Variants in SLC39A3 observed in about 807,000 individuals in gnomAD.
SLC39A3 encodes solute carrier family 39 member 3.
In SLC39A3, 3 loss-of-function variants were observed where a neutral mutation model predicts 5.1. That is an observed-to-expected ratio of 0.59 (90% CI 0.27 to 1.54). SLC39A3 has a LOEUF of 1.54. SLC39A3 is among the 40% of genes most tolerant of loss of function. The pLI, the probability that SLC39A3 is intolerant of heterozygous loss-of-function variation, is 0.12. For synonymous variants in SLC39A3, 250 were observed against 218.8 expected (o/e 1.14, Z -1.26); for missense variants, 412 against 436.4 (o/e 0.94, Z 0.50).
rs540464556 is a variant in SLC39A3, at chr19:2,737,573, T to C, written c.-122-194A>G. ...GACACGCGCCACCACTCCCAGCTAA[T>C]TTTTTTTGTATTTGTAGTAGAGACG... On this transcript the variant is annotated intron_variant, in intron 1 of 2. Coordinates refer to ENST00000269740, the MANE Select transcript of SLC39A3 (RefSeq NM_144564.5). 124 of 312,214 alleles carry C rather than the reference T, an allele frequency of 4.0e-4. 1 individual carries two copies. The East Asian group carries it at 7.8e-3, about 20-fold the overall frequency. The allele number at this position is 312,214 out of a possible 1,614,324, so 19.3% of individuals were successfully genotyped here.
rs968055920 is a variant in SLC39A3 at position 2,734,261 on chromosome 19, G to A, written c.211-776C>T. On this transcript the variant is annotated intron_variant, in intron 2 of 2. Transcript: ENST00000269740. This position sits in a 1 kb window ranked among gnomAD's most constrained non-coding sequence, Gnocchi z 4.6. ...CTCCCTGGAGCCTCGTCACGGCAGG[G>A]CCAGAGTTCACAGCCACCCTCCAGA... 3.3e-5 allele frequency among the ~76,000 whole-genome samples: 5 copies of A among 152,232 alleles called. No homozygotes were observed. Among genetic ancestry groups the A allele is most frequent in the African/African-American group, 1.2e-4 (5 of 41,460 alleles).
In SLC39A3 at chr19:2,732,625, T is replaced by G; in HGVS notation, c.*126A>C. 2 of 1,425,248 alleles carry G rather than the reference T, an allele frequency of 1.4e-6. No homozygotes were observed. Among genetic ancestry groups the G allele is most frequent in the Non-Finnish European group, 1.8e-6 (2 of 1,092,088 alleles). 88.3% of individuals were successfully genotyped at this position (1,425,248 alleles called of 1,614,324 possible). On this transcript the variant is annotated 3_prime_UTR_variant, in exon 3 of 3. Coordinates refer to ENST00000269740, the MANE Select transcript of SLC39A3 (RefSeq NM_144564.5). ...GCACAGCCTGGTCCCGGGAGGCCCC[T>G]TGTGCACAGGTGGTGGCCCAGGGCC...
Position 2,734,780 on chromosome 19 carries a change from C to A in SLC39A3, c.211-1295G>T. On this transcript the variant is annotated intron_variant, in intron 2 of 2. Coordinates refer to ENST00000269740, the MANE Select transcript of SLC39A3 (RefSeq NM_144564.5). This position sits in a 1 kb window ranked among gnomAD's most constrained non-coding sequence, Gnocchi z 4.6. ...GCTGCAGCAGAAGGCTGTGTTTCCA[C>A]GGAGAAGCCACTTAACTCCCTCACT... is the stretch of plus-strand genomic sequence containing the variant. 1.0e-6 allele frequency: 1 copy of A among 985,482 alleles called. No individual in the cohort carries two copies. The allele number at this position is 985,482 out of a possible 1,614,324, so 61.0% of individuals were successfully genotyped here.
intron 1 of SLC39A3, among the ~76,000 whole-genome samples, chr19:2,739,246 G>T (rs982566883): frequency 6.6e-6 from 1 of 152,088 alleles, no homozygotes; most frequent in Middle Eastern, 3.2e-3. Context: ...GAGGGGAAGC[G>T]TGTGGCCACT....
chr19:2,738,448 C>T (rs1043138878), intron 1 of SLC39A3, among the ~76,000 whole-genome samples: 5 of 152,276 alleles, frequency 3.3e-5, no homozygotes, highest in Admixed American at 2.6e-4. Flanking sequence ...TGACAAGCTC[C>T]TGCCTCGCCT....
Position 2,737,087 on chromosome 19 carries a change from G to A in SLC39A3, c.171C>T (p.Ala57=). The change falls in exon 2 of 3, where the codon GCC becomes GCT. Residue 57 remains alanine (A), a synonymous_variant. Coordinates refer to ENST00000269740, the MANE Select transcript of SLC39A3 (RefSeq NM_144564.5). ...CNTFGGGVFL[A]TCFNALLPAV... is the part of the protein sequence containing the mutation. The stretch of plus-strand genomic sequence containing the variant: ...CGGGCAGCAGAGCGTTGAAGCACGT[G>A]GCCAGAAACACCCCTCCTCCAAAGG... 1 of 1,614,158 alleles carries A rather than the reference G, an allele frequency of 6.2e-7. No homozygotes were observed. Among genetic ancestry groups the A allele is most frequent in the Non-Finnish European group, 8.5e-7 (1 of 1,180,046 alleles).
At chr19:2,738,626 T>G (rs976712194) in intron 1 of SLC39A3, among the ~76,000 whole-genome samples, 1 of 152,000 alleles carries the variant, frequency 6.6e-6, no homozygotes, top group Non-Finnish European at 1.5e-5. Context: ...AGGGCCTCCC[T>G]CGGTTGGGAG....
At position 2,737,053 on chromosome 19, in the gene SLC39A3, C is replaced by G. The variant is rs774167603; in HGVS notation, c.205G>C (p.Glu69Gln). 2 of 1,614,170 alleles carry G rather than the reference C, an allele frequency of 1.2e-6. No homozygotes were observed. Among genetic ancestry groups the G allele is most frequent in the South Asian group, 2.2e-5 (2 of 91,078 alleles). ...AGTGCCCAGGGAGCCCTTACCTTTTCCCTCACAGCGGGCAGCAGAGCGTTG... is the reference window on the plus strand; with the variant it reads ...AGTGCCCAGGGAGCCCTTACCTTTTGCCTCACAGCGGGCAGCAGAGCGTTG... ...CFNALLPAVR[E>Q]KLQKVLSLGH... Residue 69 changes from glutamate to glutamine, a missense_variant, in exon 2 of 3, where the codon GAA becomes CAA. Transcript: ENST00000269740.
chr19:2,733,272 G>A lies in SLC39A3; in HGVS notation c.424C>T (p.Arg142Trp), dbSNP rs377253957. ...GGCTCCACGTACAGCGCGTGGCCCC[G>A]CGCGCCCCCCATGAAGGGGCTCTCA... ...EYESPFMGGA[R>W]GHALYVEPHG... The change falls in exon 3 of 3, where the codon CGG (arginine) becomes TGG (tryptophan). Residue 142 changes from arginine to tryptophan, a missense_variant. By Grantham distance (101) the Arg-to-Trp change is moderately radical. Coordinates refer to ENST00000269740, the MANE Select transcript of SLC39A3 (RefSeq NM_144564.5). This position sits in a 1 kb window ranked among gnomAD's most constrained non-coding sequence, Gnocchi z 6.1. The A allele has an allele frequency of 4.2e-5, 68 of 1,612,420 alleles. No homozygotes were observed. The highest frequency in any genetic ancestry group is 3.6e-4 in the East Asian group (16 of 44,872).
In SLC39A3 at chr19:2,732,957, C is replaced by A; in HGVS notation, c.739G>T (p.Gly247Cys). The change falls in exon 3 of 3, where the codon GGC (glycine) becomes TGC (cysteine). Residue 247 changes from glycine to cysteine, a missense_variant. By Grantham distance (159) the Gly-to-Cys change is radical. Transcript: ENST00000269740. Reference sequence around the variant, plus strand: ...CCCTGGGCGCTCTCAATGCCCAGGCCCAGGCCGATGCCCAGGGGGATCATG... The same window carrying A: ...CCCTGGGCGCTCTCAATGCCCAGGCACAGGCCGATGCCCAGGGGGATCATG... ...SAMIPLGIGL[G>C]LGIESAQGVP... The A allele has an allele frequency of 6.2e-7, 1 of 1,605,726 alleles. No individual in the cohort carries two copies.
At position 2,737,075 on chromosome 19, in the gene SLC39A3, G is replaced by A. The variant is rs760608014; in HGVS notation, c.183C>T (p.Asn61=). 4.2e-5 allele frequency: 68 copies of A among 1,614,064 alleles called. No individual in the cohort carries two copies. Among genetic ancestry groups the A allele is most frequent in the African/African-American group, 9.3e-5 (7 of 74,914 alleles). ...TTTCCCTCACAGCGGGCAGCAGAGC[G>A]TTGAAGCACGTGGCCAGAAACACCC... ...GGGVFLATCF[N]ALLPAVREKL... Residue 61 remains asparagine, a synonymous_variant, in exon 2 of 3, where the codon AAC becomes AAT. Transcript: ENST00000269740.
At chr19:2,736,698 T>C (rs1914379529) in intron 2 of SLC39A3, 2 of 1,383,030 alleles carry the variant, frequency 1.4e-6, no homozygotes, top group Non-Finnish European at 1.9e-6. Flanking sequence ...TGCTATAATT[T>C]GTTACGCAAC....
chr19:2,733,010 G>A lies in SLC39A3; in HGVS notation c.686C>T (p.Ala229Val), dbSNP rs1177311033. The change falls in exon 3 of 3, where the codon GCG (alanine) becomes GTG (valine). Residue 229 changes from alanine to valine, a missense_variant. Transcript: ENST00000269740. The surrounding 1 kb of genome is among the most constrained non-coding windows in gnomAD (Gnocchi z 6.1). Reference protein sequence around the residue: ...MARSAMPLRDAAKLAVTVSAM... With the variant: ...MARSAMPLRDVAKLAVTVSAM... ...GCTTACGGTGACCGCCAGCTTGGCC[G>A]CGTCCCGCAGGGGCATGGCACTCCG... is the stretch of plus-strand genomic sequence containing the variant. The A allele has an allele frequency of 3.8e-6, 6 of 1,599,014 alleles. No individual in the cohort carries two copies. Among genetic ancestry groups the A allele is most frequent in the East Asian group, 2.3e-5 (1 of 44,436 alleles).
rs1411627667 is a variant in SLC39A3 at position 2,737,206 on chromosome 19, A to C, written c.52T>G (p.Phe18Val). 6.2e-7 allele frequency: 1 copy of C among 1,614,140 alleles called. No individual in the cohort carries two copies. The highest frequency in any genetic ancestry group is 1.1e-5 in the South Asian group (1 of 91,082). Residue 18 changes from phenylalanine to valine, a missense_variant, in exon 2 of 3, where the codon TTC (phenylalanine) becomes GTC (valine). Physicochemically the swap from Phe to Val is conservative, Grantham distance 50. Transcript: ENST00000269740. Reference sequence around the variant, plus strand: ...GGGAGCAGGGAGCCGAGCAGCATGAAGAAGAACACGCCCACCATGCACAGG... The same window carrying C: ...GGGAGCAGGGAGCCGAGCAGCATGACGAAGAACACGCCCACCATGCACAGG... ...KILCMVGVFF[F>V]MLLGSLLPVK...
rs1273119223 is a variant in SLC39A3, at chr19:2,734,699, T to C, written c.211-1214A>G. ...GCACCCCCCATCGTGACAACCACAATGTCCCCAGGCATCGCCCAGTGTTCC... is the reference window on the plus strand; with the variant it reads ...GCACCCCCCATCGTGACAACCACAACGTCCCCAGGCATCGCCCAGTGTTCC... On this transcript the variant is annotated intron_variant, in intron 2 of 2. Transcript: ENST00000269740. The surrounding 1 kb of genome is among the most constrained non-coding windows in gnomAD (Gnocchi z 4.6). 1 of 980,750 alleles carries C rather than the reference T, an allele frequency of 1.0e-6. No individual in the cohort carries two copies. Among genetic ancestry groups the C allele is most frequent in the Non-Finnish European group, 1.2e-6 (1 of 825,774 alleles). The allele number at this position is 980,750 out of a possible 1,614,324, so 60.8% of individuals were successfully genotyped here.
chr19:2,736,794 T>C, intron 2 of SLC39A3: 1 of 1,450,884 alleles, frequency 6.9e-7, no homozygotes, highest in Non-Finnish European at 9.1e-7. Flanking sequence ...GGTAGTCTGG[T>C]CTGATTATCA....
intron 2 of SLC39A3, chr19:2,736,049 C>T (rs1914356055): frequency 1.0e-6 from 1 of 985,494 alleles, no homozygotes; most frequent in East Asian, 1.1e-4. Context: ...GAGGAAGCCA[C>T]TCACCCAGGG....
chr19:2,735,354 G>A lies in SLC39A3; in HGVS notation c.210+1694C>T, dbSNP rs1008602040. The A allele has an allele frequency of 2.3e-5, 7 of 302,148 alleles. No homozygotes were observed. Among genetic ancestry groups the A allele is most frequent in the Admixed American group, 6.5e-5 (1 of 15,426 alleles). 18.7% of individuals were successfully genotyped at this position (302,148 alleles called of 1,614,324 possible). A position where few individuals can be genotyped will look rare whatever the true frequency, so the allele number is the denominator to read the frequency against. ...CAGGTGCGGGCTAGCTGGGCCCTAC[G>A]CTCCAGGTCTCGCAGGGTGTCATCA... On this transcript the variant is annotated intron_variant, in intron 2 of 2. Transcript: ENST00000269740. The surrounding 1 kb of genome is among the most constrained non-coding windows in gnomAD (Gnocchi z 5.7).
At chr19:2,738,804 G>T (rs1914455795) in intron 1 of SLC39A3, among the ~76,000 whole-genome samples, 1 of 152,108 alleles carries the variant, frequency 6.6e-6, no homozygotes, top group African/African-American at 2.4e-5. Context: ...GGGTGTGGTA[G>T]TGGGCACCTG....
Sources: allele counts gnomAD v4.1 joint callset (sites outside exome capture counted in the v4.1 genomes callset), GRCh38; gene constraint gnomAD v4.1.1; non-coding constraint Gnocchi (gnomAD v3.1); transcripts MANE v1.5; gene names NCBI Gene and HGNC (gene_info 2026-07-23, HGNC 2026-07-21).